The following TBC1D4 variants were observed in gnomAD, a reference collection of about 807,000 sequenced individuals.
TBC1D4 encodes TBC (Tre-2, BUB2, CDC16) domain-containing protein.
Under a neutral mutation model 142.5 loss-of-function variants are expected in TBC1D4, and 121 were observed. The ratio of observed to expected loss-of-function variants is 0.85; its 90% CI spans 0.73 to 0.99. The LOEUF is 0.99. Ranked by LOEUF, TBC1D4 falls within the 50% of genes least tolerant of loss-of-function variation. The pLI, the probability that TBC1D4 is intolerant of heterozygous loss-of-function variation, is 0.00. For missense variants in TBC1D4, 1,475 were observed against 1,606.6 expected, an observed-to-expected ratio of 0.92 and a Z score of 1.40; for synonymous variants, 630 against 628.2, an observed-to-expected ratio of 1.00 and a Z score of -0.04.
intron 1 of TBC1D4, among the ~76,000 whole-genome samples, chr13:75,412,494 C>T (rs1356137024): frequency 2.6e-5 from 4 of 151,942 alleles, no homozygotes; most frequent in Non-Finnish European, 5.9e-5. Flanking sequence ...TTAATGAAGA[C>T]AAGGTCTCAC....
At chr13:75,420,034 A>G (rs886577910) in intron 1 of TBC1D4, among the ~76,000 whole-genome samples, 1 of 152,220 alleles carries the variant, frequency 6.6e-6, no homozygotes, top group South Asian at 2.1e-4. Context: ...GCGTGAACAA[A>G]CACAAAGGAA....
At chr13:75,295,207 AAGTC>A in intron 17 of TBC1D4, among the ~76,000 whole-genome samples, 194 bp from the exon 18 acceptor site, 1 of 152,310 alleles carries the variant, frequency 6.6e-6, no homozygotes, top group African/African-American at 2.4e-5. Context: ...AAGTCACTGA[AAGTC>A]TATCTAAGAA....
At chr13:75,407,099 C>A (rs1227434613) in intron 1 of TBC1D4, among the ~76,000 whole-genome samples, 2 of 152,192 alleles carry the variant, frequency 1.3e-5, no homozygotes, top group African/African-American at 2.4e-5. Flanking sequence ...AACTATTCAT[C>A]CAGCCCCCTC....
At chr13:75,331,312 G>A (rs1396665358) in intron 8 of TBC1D4, among the ~76,000 whole-genome samples, 1 of 151,810 alleles carries the variant, frequency 6.6e-6, no homozygotes, top group Non-Finnish European at 1.5e-5. Context: ...TGGGCAACAT[G>A]ATAAGACCCT....
Position 75,383,552 on chromosome 13 carries a change from C to T in TBC1D4, c.499-20945G>A, listed in dbSNP as rs13378336. On this transcript the variant is annotated intron_variant, in intron 1 of 20. Transcript: ENST00000377636. ...CACTTTCTGTGGTTTTAGTTACCTGCAGTACAGTACAATAAGGCATTTTGG... is the reference window on the plus strand; with the variant it reads ...CACTTTCTGTGGTTTTAGTTACCTGTAGTACAGTACAATAAGGCATTTTGG... Among the ~76,000 whole-genome samples, 32 of 152,152 alleles carry T rather than the reference C, an allele frequency of 2.1e-4. 1 individual carries two copies. The highest frequency in any genetic ancestry group is 4.4e-5 in the Non-Finnish European group (3 of 68,034).
Position 75,481,862 on chromosome 13 carries a change from C to A in TBC1D4, c.-95G>T. ...GCGCCGCCGAAACTGTGCCAACTGC[C>A]GCACCGGGCTCCCGCGCCTGCCTGG... On this transcript the variant is annotated 5_prime_UTR_variant, in exon 1 of 21. Transcript: ENST00000377636. 2 of 1,375,352 alleles carry A rather than the reference C, an allele frequency of 1.5e-6. No homozygotes were observed. Among genetic ancestry groups the A allele is most frequent in the South Asian group, 1.7e-5 (1 of 57,446 alleles). The allele number at this position is 1,375,352 out of a possible 1,614,324, so 85.2% of individuals were successfully genotyped here.
At chr13:75,376,629 G>A (rs758136111) in intron 1 of TBC1D4, among the ~76,000 whole-genome samples, 22 of 151,976 alleles carry the variant, frequency 1.4e-4, no homozygotes, top group Non-Finnish European at 2.8e-4. Flanking sequence ...GTGATCTGCC[G>A]GCCTCAGCCT....
chr13:75,369,034 ACT>A (rs1414745880), intron 1 of TBC1D4, among the ~76,000 whole-genome samples: 5 of 151,932 alleles, frequency 3.3e-5, no homozygotes, highest in Non-Finnish European at 5.9e-5. Context: ...ACAGAGTGAG[ACT>A]CTGTCTCAAA....
chr13:75,373,567 C>T (rs1198523320), intron 1 of TBC1D4, among the ~76,000 whole-genome samples: 4 of 152,208 alleles, frequency 2.6e-5, no homozygotes, highest in African/African-American at 9.7e-5. Flanking sequence ...AGTAACCATT[C>T]ATATTGGAGC....
chr13:75,303,357 C>T (rs977633570), intron 15 of TBC1D4, among the ~76,000 whole-genome samples: 32 of 151,872 alleles, frequency 2.1e-4, no homozygotes, highest in African/African-American at 7.0e-4. Flanking sequence ...AATAAGAAGG[C>T]GTAACTGATA....
At chr13:75,292,905 A>G (rs956173099) in intron 18 of TBC1D4, among the ~76,000 whole-genome samples, 2 of 152,170 alleles carry the variant, frequency 1.3e-5, no homozygotes, top group Admixed American at 6.6e-5. Flanking sequence ...CTGTAAACCC[A>G]ACAATTTGGG....
chr13:75,481,212 C>CAG, intron 1 of TBC1D4, 58 bp downstream of exon 1: 2 of 1,487,000 alleles, frequency 1.3e-6, no homozygotes, highest in Middle Eastern at 2.2e-4. Context: ...CCCTCCCGCC[C>CAG]TGCTCCCCGA....
In TBC1D4 at chr13:75,287,169, T is replaced by C. The variant is rs780317667; in HGVS notation, c.3664-144A>G. The C allele has an allele frequency of 4.2e-6, 3 of 721,794 alleles. No individual in the cohort carries two copies. In the South Asian group the frequency reaches 5.3e-5, roughly 13 times the overall value. The allele number at this position is 721,794 out of a possible 1,614,324, so 44.7% of individuals were successfully genotyped here. A position where few individuals can be genotyped will look rare whatever the true frequency, so the allele number is the denominator to read the frequency against. On this transcript the variant is annotated intron_variant, in intron 20 of 20. Coordinates refer to ENST00000377636, the MANE Select transcript of TBC1D4 (RefSeq NM_014832.5). ...TCTGAAAACCTACAGGAAACGATGA[T>C]TTATTAGGTTTCACAAAGATGTAAC...
intron 1 of TBC1D4, among the ~76,000 whole-genome samples, chr13:75,377,685 G>C (rs1883593518): frequency 7.0e-6 from 1 of 143,520 alleles, no homozygotes; most frequent in Non-Finnish European, 1.5e-5. Flanking sequence ...TATTCTGATT[G>C]GTCTTTTAAA....
chr13:75,464,357 C>G (rs1888086553), intron 1 of TBC1D4, among the ~76,000 whole-genome samples: 1 of 152,230 alleles, frequency 6.6e-6, no homozygotes, highest in Non-Finnish European at 1.5e-5. Context: ...CCACTTAAGG[C>G]ATTCCTAAGC....
intron 3 of TBC1D4, 104 bp from the exon 4 acceptor site, chr13:75,356,355 A>C (rs867188036): frequency 1.1e-5 from 9 of 832,428 alleles, no homozygotes; most frequent in Middle Eastern, 3.3e-4. Context: ...AGTTCTACGA[A>C]TTTCTCCTTC....
intron 1 of TBC1D4, among the ~76,000 whole-genome samples, chr13:75,364,710 T>C (rs756110542): frequency 1.3e-5 from 2 of 152,250 alleles, no homozygotes; most frequent in Non-Finnish European, 2.9e-5. Context: ...TGATCTCTTC[T>C]TTCTCTCTAC....
chr13:75,424,393 G>T (rs569985612), intron 1 of TBC1D4, among the ~76,000 whole-genome samples: 3 of 151,806 alleles, frequency 2.0e-5, no homozygotes, highest in Admixed American at 2.0e-4. Flanking sequence ...ATTTTTTGAT[G>T]TTTTTTAAAT....
chr13:75,292,983 C>T (rs967785167), intron 18 of TBC1D4, among the ~76,000 whole-genome samples: 1 of 151,994 alleles, frequency 6.6e-6, no homozygotes, highest in African/African-American at 2.4e-5. Flanking sequence ...GGTGAAACCC[C>T]GTCTCTACGA....
Sources: allele counts gnomAD v4.1 joint callset (sites outside exome capture counted in the v4.1 genomes callset), GRCh38; gene constraint gnomAD v4.1.1; transcripts MANE v1.5; gene names NCBI Gene and HGNC (gene_info 2026-07-23, HGNC 2026-07-21).